The following TSPAN18 variants were observed in gnomAD, a reference collection of about 807,000 sequenced individuals.
TSPAN18 encodes the protein tetraspanin-18.
A neutral mutation model predicts 27.3 loss-of-function variants in TSPAN18; 14 were observed. The observed-to-expected ratio is 0.51, with a 90% CI of 0.34 to 0.80. The LOEUF is 0.80. TSPAN18 is among the 30% of genes least tolerant of loss of function. The probability of loss-of-function intolerance (pLI) is 0.01; values close to 1 mark genes in which losing one functional copy is unlikely to be tolerated. For missense variants in TSPAN18, 268 were observed against 323.9 expected (o/e 0.83, Z 1.32); for synonymous variants, 143 against 136.5 (o/e 1.05, Z -0.33).
chr11:44,898,782 G>T (rs1257033102), intron 3 of TSPAN18, among the ~76,000 whole-genome samples: 1 of 152,232 alleles, frequency 6.6e-6, no homozygotes, highest in African/African-American at 2.4e-5. Context: ...CCAGTCATGA[G>T]GGCAGAACCC....
At chr11:44,915,968 A>T (rs1859893480) in intron 5 of TSPAN18, among the ~76,000 whole-genome samples, 1 of 152,200 alleles carries the variant, frequency 6.6e-6, no homozygotes, top group African/African-American at 2.4e-5. Flanking sequence ...TGAGGGCTGA[A>T]GCAGACTTGA....
intron 2 of TSPAN18, among the ~76,000 whole-genome samples, chr11:44,836,040 AT>A (rs1857257414): frequency 6.6e-6 from 1 of 152,188 alleles, no homozygotes; most frequent in African/African-American, 2.4e-5. Context: ...CTACATAACA[AT>A]ATTGAAATGA....
chr11:44,749,517 T>C (rs1036812379), intron 1 of TSPAN18, among the ~76,000 whole-genome samples: 1 of 152,176 alleles, frequency 6.6e-6, no homozygotes, highest in African/African-American at 2.4e-5. Flanking sequence ...ATAAATCCCA[T>C]TTGGCCACCA....
At chr11:44,741,422 C>T (rs1277416492) in intron 1 of TSPAN18, among the ~76,000 whole-genome samples, 2 of 150,714 alleles carry the variant, frequency 1.3e-5, no homozygotes, top group African/African-American at 4.9e-5. Context: ...TCACAAAGGT[C>T]TATTCAAACC....
intron 2 of TSPAN18, among the ~76,000 whole-genome samples, chr11:44,834,041 C>T (rs1363445979): frequency 6.6e-6 from 1 of 151,532 alleles, no homozygotes; most frequent in Non-Finnish European, 1.5e-5. Context: ...CACTGCCCAG[C>T]TACAAGCAGT....
chr11:44,847,980 C>A (rs1363827691), intron 2 of TSPAN18, among the ~76,000 whole-genome samples: 1 of 140,586 alleles, frequency 7.1e-6, no homozygotes, highest in East Asian at 2.1e-4. Flanking sequence ...ACTACAGGTA[C>A]ATGCCACTGT....
intron 2 of TSPAN18, among the ~76,000 whole-genome samples, chr11:44,849,553 G>C (rs1035127206): frequency 2.6e-5 from 4 of 152,202 alleles, no homozygotes; most frequent in African/African-American, 9.6e-5. Context: ...GTGCAGATGG[G>C]GGTGTGGCCT....
chr11:44,772,700 C>G (rs192763017), intron 2 of TSPAN18, among the ~76,000 whole-genome samples: 185 of 152,182 alleles, frequency 1.2e-3, no homozygotes, highest in Non-Finnish European at 1.9e-3. Flanking sequence ...GCTATTGTTG[C>G]CTGGCTGGAG....
At chr11:44,806,306 A>G (rs2135083717) in intron 2 of TSPAN18, among the ~76,000 whole-genome samples, 1 of 152,336 alleles carries the variant, frequency 6.6e-6, no homozygotes, top group South Asian at 2.1e-4. Context: ...AAGTGCTGGG[A>G]TTACAGGCAT....
At chr11:44,844,087 G>A (rs1031390521) in intron 2 of TSPAN18, among the ~76,000 whole-genome samples, 7 of 152,208 alleles carry the variant, frequency 4.6e-5, no homozygotes, top group African/African-American at 1.2e-4. Flanking sequence ...TTTAGAGATT[G>A]CAGTAAAGAC....
At chr11:44,906,367 G>A in intron 3 of TSPAN18, 40 bp from the exon 4 acceptor site, 1 of 1,601,866 alleles carries the variant, frequency 6.2e-7, no homozygotes, top group Non-Finnish European at 8.6e-7. Context: ...CCTGGGTGGG[G>A]TCCCCCATCG....
chr11:44,801,849 T>A (rs1565155784), intron 2 of TSPAN18, among the ~76,000 whole-genome samples: 1 of 152,038 alleles, frequency 6.6e-6, no homozygotes, highest in African/African-American at 2.4e-5. Flanking sequence ...CTGGGCCACA[T>A]AGTGAGACCC....
At chr11:44,751,938 AAAG>A (rs987012187) in intron 1 of TSPAN18, among the ~76,000 whole-genome samples, 9 of 152,114 alleles carry the variant, frequency 5.9e-5, no homozygotes, top group African/African-American at 1.4e-4. Flanking sequence ...AAAAAAAAAA[AAAG>A]AAGTCATATA....
At chr11:44,884,687 C>T (rs887284358) in intron 3 of TSPAN18, among the ~76,000 whole-genome samples, 6 of 152,190 alleles carry the variant, frequency 3.9e-5, no homozygotes, top group Non-Finnish European at 7.3e-5. Flanking sequence ...ATGAGGGCCT[C>T]ATTTGACCCT....
intron 2 of TSPAN18, among the ~76,000 whole-genome samples, chr11:44,827,879 C>T (rs1023770250): frequency 2.0e-5 from 3 of 152,300 alleles, no homozygotes; most frequent in South Asian, 2.1e-4. Flanking sequence ...AACAGGAGAA[C>T]TTGGCTGCCT....
intron 3 of TSPAN18, among the ~76,000 whole-genome samples, chr11:44,874,477 A>G (rs2135244436): frequency 6.6e-6 from 1 of 152,286 alleles, no homozygotes; most frequent in African/African-American, 2.4e-5. Context: ...TAGCAATCCC[A>G]TTTTACAGAC....
chr11:44,843,529 G>C (rs752552044), intron 2 of TSPAN18, among the ~76,000 whole-genome samples: 2 of 152,200 alleles, frequency 1.3e-5, no homozygotes, highest in African/African-American at 4.8e-5. Context: ...CTTATCAGAA[G>C]ACAGGGTTTT....
intron 6 of TSPAN18, 106 bp downstream of exon 6, chr11:44,918,152 G>A: frequency 8.4e-7 from 1 of 1,191,512 alleles, no homozygotes; most frequent in East Asian, 2.4e-5. Flanking sequence ...AGAGTGGGCA[G>A]CCTCTCATCT....
intron 2 of TSPAN18, among the ~76,000 whole-genome samples, chr11:44,851,785 A>C (rs539139083): frequency 6.6e-6 from 1 of 151,914 alleles, no homozygotes; most frequent in African/African-American, 2.4e-5. Flanking sequence ...CATCTCCAAC[A>C]CCCATTGCAG....
Sources: gnomAD v4.1 joint callset for allele counts (sites outside exome capture counted in the v4.1 genomes callset) on GRCh38, gnomAD v4.1.1 for gene constraint, MANE v1.5 for transcripts, NCBI Gene and HGNC (gene_info 2026-07-23, HGNC 2026-07-21) for gene names.